NAV3: variants seen among roughly 807,000 people sequenced by gnomAD.
NAV3 encodes neuron navigator 3.
A neutral mutation model predicts 244.7 loss-of-function variants in NAV3; 87 were observed. The observed-to-expected ratio is 0.36, with a 90% CI of 0.30 to 0.42. The LOEUF (loss-of-function observed/expected upper bound fraction) is 0.42. NAV3 is among the 20% of genes least tolerant of loss of function. The probability of loss-of-function intolerance (pLI) is 1.00; values close to 1 mark genes in which losing one functional copy is unlikely to be tolerated. For missense variants in NAV3, 2,663 were observed against 2,893.3 expected (o/e 0.92, Z 1.83); for synonymous variants, 1,126 against 1,042.2 (o/e 1.08, Z -1.55).
At chr12:78,165,297 CTTTGCAGAA>C (rs1455646726) in intron 23 of NAV3, among the ~76,000 whole-genome samples, 1 of 151,870 alleles carries the variant, frequency 6.6e-6, no homozygotes, top group Non-Finnish European at 1.5e-5. Context: ...TCCTAAAATC[CTTTGCAGAA>C]TTATCCCAGC....
At chr12:77,938,053 G>T (rs1188719855) in intron 1 of NAV3, among the ~76,000 whole-genome samples, 3 of 152,122 alleles carry the variant, frequency 2.0e-5, no homozygotes, top group Non-Finnish European at 4.4e-5. Flanking sequence ...AGTCAGATCT[G>T]TCTGACTCCA....
intron 20 of NAV3, among the ~76,000 whole-genome samples, chr12:78,144,025 CTATT>C (rs1956748755): frequency 6.6e-6 from 1 of 152,152 alleles, no homozygotes; most frequent in Middle Eastern, 3.2e-3. Flanking sequence ...GATCATGTGA[CTATT>C]TAAATACTTC....
intron 12 of NAV3, among the ~76,000 whole-genome samples, chr12:78,078,550 T>C (rs895356088): frequency 4.0e-5 from 6 of 151,278 alleles, no homozygotes; most frequent in East Asian, 3.9e-4. Flanking sequence ...CGCCCGCCAC[T>C]ACGCCCGGCT....
chr12:77,953,263 A>G (rs1196434095), intron 3 of NAV3, among the ~76,000 whole-genome samples: 1 of 152,160 alleles, frequency 6.6e-6, no homozygotes, highest in Non-Finnish European at 1.5e-5. Context: ...ATCTATGTCT[A>G]TACAGCTAGT....
chr12:78,162,963 TATA>T (rs1307123722), intron 23 of NAV3, among the ~76,000 whole-genome samples: 1 of 139,046 alleles, frequency 7.2e-6, no homozygotes, highest in Non-Finnish European at 1.5e-5. Context: ...AATTTATATA[TATA>T]ATATATAATT....
chr12:78,076,800 C>T (rs923330249), intron 12 of NAV3, among the ~76,000 whole-genome samples: 28 of 152,070 alleles, frequency 1.8e-4, no homozygotes, highest in African/African-American at 6.8e-4. Flanking sequence ...TCTATAGAAG[C>T]CATATAATCC....
At chr12:77,691,355 A>ATATATATATG (rs1491582943) in intron 2 of NAV3, among the ~76,000 whole-genome samples, 1 of 137,410 alleles carries the variant, frequency 7.3e-6, no homozygotes, top group Non-Finnish European at 1.6e-5. Flanking sequence ...ATATATATAT[A>ATATATATATG]CATATCCATT....
intron 5 of NAV3, among the ~76,000 whole-genome samples, chr12:77,991,241 G>A (rs925571794): frequency 6.6e-6 from 1 of 151,964 alleles, no homozygotes; most frequent in Non-Finnish European, 1.5e-5. Flanking sequence ...GGCCAGGCTG[G>A]TCTCAAAATC....
intron 4 of NAV3, among the ~76,000 whole-genome samples, 185 bp downstream of exon 4, chr12:77,966,486 G>A (rs372415225): frequency 5.9e-5 from 9 of 152,012 alleles, no homozygotes; most frequent in East Asian, 1.9e-4. Context: ...GTATTTAAAT[G>A]TTTTCCATAT....
intron 7 of NAV3, among the ~76,000 whole-genome samples, chr12:77,999,902 G>T (rs1872951330): frequency 6.6e-6 from 1 of 152,058 alleles, no homozygotes; most frequent in Admixed American, 6.5e-5. Context: ...AACAGGCTTA[G>T]AAATAAAGAT....
chr12:77,664,789 T>G (rs1873641328), intron 2 of NAV3, among the ~76,000 whole-genome samples: 1 of 152,224 alleles, frequency 6.6e-6, no homozygotes, highest in Non-Finnish European at 1.5e-5. Context: ...TTTATTCATA[T>G]TTGTTCAGAT....
At chr12:77,629,899 T>C (rs530679178) in intron 2 of NAV3, among the ~76,000 whole-genome samples, 1 of 152,280 alleles carries the variant, frequency 6.6e-6, no homozygotes, top group African/African-American at 2.4e-5. Context: ...GAGTCCTTGA[T>C]AGGGTACTGC....
At chr12:77,918,856 T>G (rs946412546) in intron 1 of NAV3, among the ~76,000 whole-genome samples, 1 of 152,026 alleles carries the variant, frequency 6.6e-6, no homozygotes, top group Non-Finnish European at 1.5e-5. Context: ...AAGGTTACAT[T>G]GGGCAAAGCC....
chr12:78,015,031 G>T (rs1483623239), intron 8 of NAV3, among the ~76,000 whole-genome samples: 3 of 152,058 alleles, frequency 2.0e-5, no homozygotes, highest in African/African-American at 7.2e-5. Flanking sequence ...GCACTTTTGT[G>T]TAGAATACTA....
intron 2 of NAV3, among the ~76,000 whole-genome samples, chr12:77,799,635 G>T (rs1871598376): frequency 6.6e-6 from 1 of 152,062 alleles, no homozygotes; most frequent in Non-Finnish European, 1.5e-5. Context: ...TTTCGTTCCT[G>T]CCATAGCCCT....
intron 2 of NAV3, among the ~76,000 whole-genome samples, chr12:77,801,040 G>C (rs116863011): frequency 6.6e-6 from 1 of 152,002 alleles, no homozygotes; most frequent in Non-Finnish European, 1.5e-5. Context: ...CTGAGATTGA[G>C]AGTCTAAAAA....
intron 2 of NAV3, among the ~76,000 whole-genome samples, chr12:77,604,254 A>G (rs1870570502): frequency 6.6e-6 from 1 of 152,092 alleles, no homozygotes; most frequent in African/African-American, 2.4e-5. Context: ...GACAGACTGG[A>G]TACTTTTTTT....
At chr12:77,868,587 C>T (rs1880440318) in intron 1 of NAV3, among the ~76,000 whole-genome samples, 1 of 151,646 alleles carries the variant, frequency 6.6e-6, no homozygotes, top group African/African-American at 2.4e-5. Context: ...GAAACCCCAT[C>T]TCTACTAAAA....
At chr12:78,017,597 A>AT (rs1375540311) in intron 8 of NAV3, among the ~76,000 whole-genome samples, 3 of 152,090 alleles carry the variant, frequency 2.0e-5, no homozygotes, top group South Asian at 2.1e-4. Flanking sequence ...TATGATACAT[A>AT]TTTTTTCTTT....
Sources: allele counts gnomAD v4.1 joint callset (sites outside exome capture counted in the v4.1 genomes callset), GRCh38; gene constraint gnomAD v4.1.1; transcripts MANE v1.5; gene names NCBI Gene and HGNC (gene_info 2026-07-23, HGNC 2026-07-21).